The following ASCC1 variants were observed in gnomAD, a reference collection of about 807,000 sequenced individuals.
The protein encoded by ASCC1 is ASC-1 complex subunit P50.
In ASCC1, 35 loss-of-function variants were observed where a neutral mutation model predicts 46.6. The ratio of observed to expected loss-of-function variants is 0.75; its 90% confidence interval spans 0.57 to 0.99. The LOEUF (loss-of-function observed/expected upper bound fraction) is 0.99, where lower values mean the gene tolerates loss of function less well. Among genes scored for constraint, ASCC1 ranks in the 50% least tolerant of loss-of-function variants. The probability of loss-of-function intolerance (pLI) is 0.00; values close to 1 mark genes in which losing one functional copy is unlikely to be tolerated. For missense variants in ASCC1, 376 were observed against 428.7 expected (o/e 0.88, Z 1.09); for synonymous variants, 143 against 146.6 (o/e 0.98, Z 0.18).
At chr10:72,180,870 G>C in intron 5 of ASCC1, 1 of 178,948 alleles carries the variant, frequency 5.6e-6, no homozygotes, top group South Asian at 1.3e-4. Flanking sequence ...CCAAAGAATT[G>C]AGTTCAGTTC....
At chr10:72,215,928 CG>C (rs1859162905) in intron 1 of ASCC1, 1 of 152,322 alleles carries the variant, frequency 6.6e-6, no homozygotes, top group Non-Finnish European at 1.5e-5. Context: ...GAGGAGGACC[CG>C]GAATTCCTCT....
At chr10:72,176,660 C>T (rs150461089) in intron 5 of ASCC1, among the ~76,000 whole-genome samples, 11 of 152,120 alleles carry the variant, frequency 7.2e-5, no homozygotes, top group Non-Finnish European at 1.5e-4. Flanking sequence ...TATTTTCTTA[C>T]TCTCTATAGG....
chr10:72,150,997 G>A (rs1848257806), intron 7 of ASCC1, among the ~76,000 whole-genome samples: 1 of 152,200 alleles, frequency 6.6e-6, no homozygotes, highest in Admixed American at 6.5e-5. Context: ...CACTGTTGGT[G>A]GGAATGTAAA....
intron 5 of ASCC1, among the ~76,000 whole-genome samples, chr10:72,171,950 T>C (rs924781563): frequency 6.6e-6 from 1 of 152,140 alleles, no homozygotes; most frequent in African/African-American, 2.4e-5. Flanking sequence ...ACTGTAAAAG[T>C]TGGGACAGTG....
At chr10:72,128,945 T>C (rs193078634) in intron 8 of ASCC1, among the ~76,000 whole-genome samples, 11 of 152,304 alleles carry the variant, frequency 7.2e-5, no homozygotes, top group Admixed American at 2.0e-4. Flanking sequence ...ACTCAGAATA[T>C]TTTCTGAAAT....
At chr10:72,153,671 C>T (rs1848628643) in intron 6 of ASCC1, among the ~76,000 whole-genome samples, 1 of 151,918 alleles carries the variant, frequency 6.6e-6, no homozygotes, top group African/African-American at 2.4e-5. Context: ...CGTGATCTGC[C>T]CGCCTCAGCC....
chr10:72,191,382 A>G (rs1854477493), intron 5 of ASCC1, among the ~76,000 whole-genome samples: 1 of 151,808 alleles, frequency 6.6e-6, no homozygotes, highest in Non-Finnish European at 1.5e-5. Context: ...CTTGTTTCTA[A>G]TAAGATAAAC....
At chr10:72,179,165 CTGGCT>C (rs1478826282) in intron 5 of ASCC1, among the ~76,000 whole-genome samples, 5 of 152,108 alleles carry the variant, frequency 3.3e-5, no homozygotes, top group Admixed American at 3.3e-4. Context: ...GTTGTCCAGG[CTGGCT>C]AATTTTTGTA....
chr10:72,123,224 A>G (rs898586699), intron 9 of ASCC1, among the ~76,000 whole-genome samples: 2 of 151,930 alleles, frequency 1.3e-5, no homozygotes, highest in Admixed American at 1.3e-4. Context: ...CTGTAGTCCC[A>G]GCTGCTGGGG....
At chr10:72,213,805 C>T (rs554058469) in intron 1 of ASCC1, among the ~76,000 whole-genome samples, 48 of 147,758 alleles carry the variant, frequency 3.2e-4, no homozygotes, top group Admixed American at 2.0e-4. Flanking sequence ...TTTGGGAGGC[C>T]GAGGCAGGCA....
intron 5 of ASCC1, among the ~76,000 whole-genome samples, chr10:72,186,096 T>C (rs1207248712): frequency 1.3e-5 from 2 of 151,926 alleles, no homozygotes; most frequent in Non-Finnish European, 2.9e-5. Context: ...TTCTAATGTA[T>C]GGACCTGAAA....
intron 9 of ASCC1, among the ~76,000 whole-genome samples, chr10:72,118,411 A>AATAT (rs1365562098): frequency 6.6e-6 from 1 of 152,042 alleles, no homozygotes; most frequent in Non-Finnish European, 1.5e-5. Flanking sequence ...AACAGTATAT[A>AATAT]ATATGGCTGA....
At position 72,213,200 on chromosome 10, in the gene ASCC1, C is replaced by T; in HGVS notation, c.99G>A (p.Glu33=). ...EQTYQHEEDE[E]DFYQGSMECA... ...AACTAGGATTACCTTGATAGAAGTC[C>T]TCTTCATCTTCTTCATGTTGATAGG... The change falls in exon 2 of 10, where the codon GAG becomes GAA. Residue 33 remains glutamate (E), a synonymous_variant. Transcript: ENST00000672957. 1 of 1,605,350 alleles carries T rather than the reference C, an allele frequency of 6.2e-7. No individual in the cohort carries two copies. Among genetic ancestry groups the T allele is most frequent in the East Asian group, 2.2e-5 (1 of 44,774 alleles).
Position 72,196,078 on chromosome 10 carries a change from G to A in ASCC1, c.489+733C>T, listed in dbSNP as rs115932445. Among the ~76,000 whole-genome samples, 1,172 of 151,984 alleles carry A rather than the reference G, an allele frequency of 7.7e-3. 17 individuals are homozygous for A. Among genetic ancestry groups the A allele is most frequent in the African/African-American group, 0.027 (1,117 of 41,424 alleles). ...ACTTGTTTTCTAATCTGGATTATCT[G>A]CTATTATCCTGGTCACAAGCATTTC... On this transcript the variant is annotated intron_variant, in intron 5 of 9. Coordinates refer to ENST00000672957, the MANE Select transcript of ASCC1 (RefSeq NM_001198800.3).
At chr10:72,143,529 G>A (rs1847278033) in intron 7 of ASCC1, among the ~76,000 whole-genome samples, 1 of 150,606 alleles carries the variant, frequency 6.6e-6, no homozygotes, top group South Asian at 2.1e-4. Flanking sequence ...TAATAATTTG[G>A]TAACTGTAGG....
chr10:72,106,766 T>C (rs1033558007), intron 9 of ASCC1, among the ~76,000 whole-genome samples: 1 of 152,226 alleles, frequency 6.6e-6, no homozygotes, highest in Non-Finnish European at 1.5e-5. Flanking sequence ...AAACCAGAGC[T>C]GAGCATTATT....
intron 5 of ASCC1, among the ~76,000 whole-genome samples, chr10:72,178,321 T>C (rs1852119670): frequency 6.6e-6 from 1 of 152,186 alleles, no homozygotes; most frequent in South Asian, 2.1e-4. Context: ...GCTGTGATAA[T>C]GTATGAATCC....
rs1309214553 is a variant in ASCC1 at position 72,123,338 on chromosome 10, CAA to C, written c.957+4742_957+4743del. ...TGGGCGGCAGAGCAAGACTCCGTCT[CAA>C]AAAAAAAAAAAAAAATGAGAGCAGA... On this transcript the variant is annotated intron_variant, in intron 9 of 9. Transcript: ENST00000672957. Among the ~76,000 whole-genome samples, 271 of 58,952 alleles carry C rather than the reference CAA, an allele frequency of 4.6e-3. 2 individuals are homozygous for C. The highest frequency in any genetic ancestry group is 0.014 in the African/African-American group (235 of 16,648). 38.7% of individuals were successfully genotyped at this position (58,952 alleles called of 152,430 possible).
intron 4 of ASCC1, among the ~76,000 whole-genome samples, chr10:72,203,003 C>G (rs1263050207): frequency 6.6e-6 from 1 of 152,038 alleles, no homozygotes; most frequent in Non-Finnish European, 1.5e-5. Context: ...ACGCCCATAG[C>G]TGGCCGGGCA....
Sources: gnomAD v4.1 joint callset for allele counts (sites outside exome capture counted in the v4.1 genomes callset) on GRCh38, gnomAD v4.1.1 for gene constraint, MANE v1.5 for transcripts, NCBI Gene and HGNC (gene_info 2026-07-23, HGNC 2026-07-21) for gene names.